Variants in CFAP20DC observed in about 807,000 individuals in gnomAD.
CFAP20DC encodes protein CFAP20DC.
CFAP20DC carries 84 observed loss-of-function variants against 101.7 expected under a neutral mutation model. The ratio of observed to expected loss-of-function variants is 0.83; its 90% confidence interval spans 0.69 to 0.99. The LOEUF is 0.99. CFAP20DC is among the 50% of genes least tolerant of loss of function. The pLI, the probability that CFAP20DC is intolerant of heterozygous loss-of-function variation, is 0.00. For missense variants in CFAP20DC, 1,007 were observed against 970.3 expected (o/e 1.04, Z -0.50); for synonymous variants, 359 against 351.2 (o/e 1.02, Z -0.25).
chr3:58,998,141 A>G (rs138831281), intron 4 of CFAP20DC, among the ~76,000 whole-genome samples: 105 of 152,336 alleles, frequency 6.9e-4, no homozygotes, highest in Non-Finnish European at 9.6e-4. Context: ...AAGTCCTTCA[A>G]GGTCATGGCA....
rs994234646 is a variant in CFAP20DC, at chr3:58,724,133, T to G, written c.198-6505A>C. Among the ~76,000 whole-genome samples the G allele has an allele frequency of 3.9e-5, 6 of 152,038 alleles. No individual in the cohort carries two copies. Among genetic ancestry groups the G allele is most frequent in the African/African-American group, 1.4e-4 (6 of 41,382 alleles). On this transcript the variant is annotated intron_variant, in intron 3 of 3. Transcript: ENST00000486145. The surrounding 1 kb of genome is among the most constrained non-coding windows in gnomAD (Gnocchi z 5.6). ...GGCCTGGGGAATTCTCAAGTTGGTT[T>G]GTGGGGGTCAAGCAGGTTCTTCCTT...
chr3:58,861,355 T>C lies in CFAP20DC; in HGVS notation c.1593+2203A>G. On this transcript the variant is annotated intron_variant, in intron 12 of 16. Coordinates refer to ENST00000482387, the MANE Select transcript of CFAP20DC (RefSeq NM_001394063.1). The surrounding 1 kb of genome is among the most constrained non-coding windows in gnomAD (Gnocchi z 4.0). Reference sequence around the variant, plus strand: ...TTCCTGAAGTATAATTATACAAAGATAAGGATGTAACATTCTAAAATAATG... The same window carrying C: ...TTCCTGAAGTATAATTATACAAAGACAAGGATGTAACATTCTAAAATAATG... The C allele has an allele frequency of 2.6e-6, 2 of 759,388 alleles. No individual in the cohort carries two copies. Among genetic ancestry groups the C allele is most frequent in the Non-Finnish European group, 3.2e-6 (2 of 623,982 alleles). The allele number at this position is 759,388 out of a possible 1,614,324, so 47.0% of individuals were successfully genotyped here.
intron 12 of CFAP20DC, among the ~76,000 whole-genome samples, chr3:58,860,201 A>G (rs1245532787): frequency 6.6e-6 from 1 of 151,498 alleles, no homozygotes; most frequent in East Asian, 1.9e-4. Context: ...AAAAGAAAGA[A>G]AAAAGAAAAA....
rs1157685688 is a variant in CFAP20DC at position 58,732,996 on chromosome 3, A to G, written c.198-15368T>C. On this transcript the variant is annotated intron_variant, in intron 3 of 3. Coordinates refer to the CFAP20DC transcript ENST00000486145. This position sits in a 1 kb window ranked among gnomAD's most constrained non-coding sequence, Gnocchi z 5.4. ...TCCAATCATTAGAAAAACCTCATTA[A>G]TTTTGTCTACGGGGAAGAGAGCCAG... Among the ~76,000 whole-genome samples the G allele has an allele frequency of 1.3e-5, 2 of 152,176 alleles. No individual in the cohort carries two copies. Among genetic ancestry groups the G allele is most frequent in the African/African-American group, 2.4e-5 (1 of 41,436 alleles).
At chr3:58,815,755 A>G (rs1305960991) in intron 14 of CFAP20DC, among the ~76,000 whole-genome samples, 3 of 150,196 alleles carry the variant, frequency 2.0e-5, no homozygotes, top group African/African-American at 7.4e-5. Flanking sequence ...AAACACATGA[A>G]AAAATGCTCA....
chr3:59,033,891 A>G (rs1337717665), intron 4 of CFAP20DC, among the ~76,000 whole-genome samples: 1 of 152,188 alleles, frequency 6.6e-6, no homozygotes, highest in African/African-American at 2.4e-5. Context: ...CCCAAGACAC[A>G]TAATTATCAG....
intron 15 of CFAP20DC, among the ~76,000 whole-genome samples, chr3:58,761,266 G>A (rs2069560008): frequency 6.6e-6 from 1 of 152,166 alleles, no homozygotes; most frequent in African/African-American, 2.4e-5. Flanking sequence ...AGTCTTGGGA[G>A]GGTGTATGTG....
chr3:58,840,636 G>C (rs1483801546), intron 13 of CFAP20DC, among the ~76,000 whole-genome samples: 1 of 152,154 alleles, frequency 6.6e-6, no homozygotes, highest in Non-Finnish European at 1.5e-5. Context: ...CTGTAGAACA[G>C]TACCTGTAAT....
At chr3:58,946,714 G>C (rs368274400) in intron 4 of CFAP20DC, among the ~76,000 whole-genome samples, 18 of 152,102 alleles carry the variant, frequency 1.2e-4, no homozygotes, top group African/African-American at 3.9e-4. Flanking sequence ...CATCCGAATT[G>C]GTACAAGAGG....
chr3:58,772,994 T>C (rs903352112), intron 15 of CFAP20DC, among the ~76,000 whole-genome samples: 1 of 152,030 alleles, frequency 6.6e-6, no homozygotes, highest in Admixed American at 6.6e-5. Flanking sequence ...TACTTTTCTA[T>C]GCTGGTTGAA....
chr3:58,970,974 A>G (rs1334623252), intron 4 of CFAP20DC, among the ~76,000 whole-genome samples: 1 of 152,160 alleles, frequency 6.6e-6, no homozygotes, highest in African/African-American at 2.4e-5. Context: ...CATCTCTAGC[A>G]TAAAAGTGAG....
chr3:59,010,240 G>C (rs1191629122), intron 4 of CFAP20DC, among the ~76,000 whole-genome samples: 3 of 152,058 alleles, frequency 2.0e-5, no homozygotes. Context: ...TTGCCTAAAT[G>C]CTCCACTTAA....
intron 4 of CFAP20DC, among the ~76,000 whole-genome samples, chr3:58,939,759 ATT>A (rs60955896): frequency 1.7e-3 from 160 of 91,884 alleles, no homozygotes; most frequent in African/African-American, 6.9e-3. Flanking sequence ...TGCCCGGCCC[ATT>A]TTTTTTTTTT....
At position 59,030,916 on chromosome 3, in the gene CFAP20DC, C is replaced by T. The variant is rs370602578; in HGVS notation, c.278+8641G>A. Among the ~76,000 whole-genome samples, 26 of 152,232 alleles carry T rather than the reference C, an allele frequency of 1.7e-4. No individual in the cohort carries two copies. In the South Asian group the frequency reaches 1.9e-3, roughly 11 times the overall value. Reference sequence around the variant, plus strand: ...TCGGCTCACTGCAAGCTCCGCCTCCCGGGTTCACGCCATTCTCCTGCCTCA... The same window carrying T: ...TCGGCTCACTGCAAGCTCCGCCTCCTGGGTTCACGCCATTCTCCTGCCTCA... On this transcript the variant is annotated intron_variant, in intron 4 of 16. Transcript: ENST00000482387.
At chr3:58,779,996 T>A (rs1044281896) in intron 15 of CFAP20DC, among the ~76,000 whole-genome samples, 2 of 152,126 alleles carry the variant, frequency 1.3e-5, no homozygotes, top group African/African-American at 4.8e-5. Flanking sequence ...GGAACCCCTA[T>A]CAGACTAACA....
intron 16 of CFAP20DC, among the ~76,000 whole-genome samples, chr3:58,745,723 G>A (rs943459098): frequency 6.6e-6 from 1 of 152,080 alleles, no homozygotes; most frequent in Admixed American, 6.6e-5. Flanking sequence ...AGTAACTCAG[G>A]ATGGAAGTAC....
intron 4 of CFAP20DC, among the ~76,000 whole-genome samples, chr3:58,942,508 A>C (rs1159427643): frequency 6.6e-6 from 1 of 152,188 alleles, no homozygotes; most frequent in Non-Finnish European, 1.5e-5. Context: ...GGAAGCCGTG[A>C]GGGACTGTGC....
At chr3:59,028,588 T>C (rs2093933024) in intron 4 of CFAP20DC, among the ~76,000 whole-genome samples, 1 of 152,206 alleles carries the variant, frequency 6.6e-6, no homozygotes. Flanking sequence ...TATTTACAAG[T>C]AAGGCAGCGT....
intron 5 of CFAP20DC, among the ~76,000 whole-genome samples, chr3:58,916,438 C>T (rs987057944): frequency 1.5e-4 from 23 of 151,824 alleles, no homozygotes; most frequent in African/African-American, 4.8e-4. Flanking sequence ...CATGGTCACG[C>T]TCCTTTTATT....
Sources: gnomAD v4.1 joint callset for allele counts (sites outside exome capture counted in the v4.1 genomes callset) on GRCh38, gnomAD v4.1.1 for gene constraint, Gnocchi (gnomAD v3.1) non-coding constraint, MANE v1.5 for transcripts, NCBI Gene and HGNC (gene_info 2026-07-23, HGNC 2026-07-21) for gene names.